INPP4B: variants seen among roughly 807,000 people sequenced by gnomAD.
INPP4B encodes inositol polyphosphate-4-phosphatase type II B, also known as inositol polyphosphate 4-phosphatase type II.
INPP4B carries 55 observed loss-of-function variants against 122.5 expected under a neutral mutation model. The ratio of observed to expected loss-of-function variants is 0.45; its 90% CI spans 0.36 to 0.56. The LOEUF is 0.56. Ranked by LOEUF, INPP4B falls within the 20% of genes least tolerant of loss-of-function variation. The pLI, the probability that INPP4B is intolerant of heterozygous loss-of-function variation, is 0.00. For missense variants in INPP4B, 1,000 were observed against 1,097.7 expected (o/e 0.91, Z 1.26); for synonymous variants, 403 against 388.7 (o/e 1.04, Z -0.43).
intron 21 of INPP4B, among the ~76,000 whole-genome samples, chr4:142,116,739 A>G (rs1163107780): frequency 6.6e-6 from 1 of 152,162 alleles, no homozygotes; most frequent in Non-Finnish European, 1.5e-5. Flanking sequence ...CCCTAACATC[A>G]CAATTAAAAG....
intron 2 of INPP4B, among the ~76,000 whole-genome samples, chr4:142,507,982 C>T (rs917374066): frequency 2.6e-5 from 4 of 152,200 alleles, no homozygotes; most frequent in South Asian, 4.1e-4. Flanking sequence ...AGGCCCCTGA[C>T]CCCCCTTTTC....
rs893861512 is a variant in INPP4B, at chr4:142,273,242, C to T, written c.504-2468G>A. The stretch of plus-strand genomic sequence containing the variant: ...TAATTACCACTTCTGCCCCATCATC[C>T]TAATGGTAGTATTGGAACAGTAACA... On this transcript the variant is annotated intron_variant, in intron 9 of 25. Transcript: ENST00000262992. Among the ~76,000 whole-genome samples the T allele has an allele frequency of 2.0e-5, 3 of 151,892 alleles. No homozygotes were observed. The East Asian group carries it at 5.8e-4, about 29-fold the overall frequency.
At chr4:142,367,936 T>C (rs755471862) in intron 7 of INPP4B, among the ~76,000 whole-genome samples, 6 of 152,138 alleles carry the variant, frequency 3.9e-5, no homozygotes, top group Non-Finnish European at 8.8e-5. Flanking sequence ...AAATATTACA[T>C]GCCAAACTTT....
intron 5 of INPP4B, among the ~76,000 whole-genome samples, chr4:142,405,617 TCA>T (rs1252544484): frequency 1.3e-5 from 2 of 152,266 alleles, no homozygotes; most frequent in Admixed American, 1.3e-4. Flanking sequence ...CTCAGAAACC[TCA>T]GTGACTTTAA....
intron 2 of INPP4B, among the ~76,000 whole-genome samples, chr4:142,659,971 C>A (rs1347584227): frequency 6.6e-6 from 1 of 151,530 alleles, no homozygotes; most frequent in African/African-American, 2.4e-5. Flanking sequence ...GTTAAGGATC[C>A]AGAGGCAGAT....
chr4:142,529,779 A>G (rs1827364428), intron 2 of INPP4B, among the ~76,000 whole-genome samples: 1 of 152,040 alleles, frequency 6.6e-6, no homozygotes, highest in Admixed American at 6.6e-5. Flanking sequence ...GCTTGAGCAG[A>G]TAGATTTACT....
intron 12 of INPP4B, among the ~76,000 whole-genome samples, chr4:142,223,724 C>T (rs1850348609): frequency 6.6e-6 from 1 of 152,070 alleles, no homozygotes; most frequent in Admixed American, 6.6e-5. Context: ...TGATGAATAC[C>T]ATACCACATG....
rs188668284 is a variant in INPP4B at position 142,789,529 on chromosome 4, G to T, written c.-254+56680C>A. On this transcript the variant is annotated intron_variant, in intron 1 of 25. Coordinates refer to ENST00000262992, the MANE Select transcript of INPP4B (RefSeq NM_001101669.3). ...GAATATACCTAATGAAGGAGGTTAG[G>T]TATATTTTGTAATTTTCCTTGCAGA... 4.6e-5 allele frequency among the ~76,000 whole-genome samples: 7 copies of T among 151,896 alleles called. No homozygotes were observed. In the East Asian group the frequency reaches 1.4e-3, roughly 30 times the overall value.
chr4:142,148,415 T>A (rs756970042), intron 17 of INPP4B, among the ~76,000 whole-genome samples: 1 of 152,086 alleles, frequency 6.6e-6, no homozygotes, highest in Non-Finnish European at 1.5e-5. Context: ...GGTTTTACTA[T>A]GTTGCCCAGG....
chr4:142,056,592 T>C (rs1445860595), intron 25 of INPP4B, among the ~76,000 whole-genome samples: 6 of 152,126 alleles, frequency 3.9e-5, no homozygotes, highest in African/African-American at 1.4e-4. Context: ...GGACTTTTGA[T>C]TCCCAGAACA....
chr4:142,506,543 G>A (rs185516800), intron 2 of INPP4B, among the ~76,000 whole-genome samples: 11 of 152,230 alleles, frequency 7.2e-5, no homozygotes, highest in African/African-American at 1.9e-4. Context: ...GCACCGTACC[G>A]ACTTACAAGA....
intron 8 of INPP4B, among the ~76,000 whole-genome samples, chr4:142,311,372 T>C (rs1405163691): frequency 6.6e-6 from 1 of 152,218 alleles, no homozygotes; most frequent in Non-Finnish European, 1.5e-5. Context: ...TTTTGAGTTC[T>C]GATGGGTCAC....
At chr4:142,082,256 A>C (rs1774309397) in intron 24 of INPP4B, 71 bp from the exon 25 acceptor site, 2 of 1,271,256 alleles carry the variant, frequency 1.6e-6, no homozygotes, top group East Asian at 4.8e-5. Context: ...TCCTCCAAAC[A>C]CTTCTAGTCT....
rs958860554 is a variant in INPP4B at position 142,597,330 on chromosome 4, T to G, written c.-191+128509A>C. ...TGAACTAACAGAACTATCTTAACTATGTGGATCAACGGTGACACCAGTTAC... is the reference window on the plus strand; with the variant it reads ...TGAACTAACAGAACTATCTTAACTAGGTGGATCAACGGTGACACCAGTTAC... On this transcript the variant is annotated intron_variant, in intron 2 of 25. Transcript: ENST00000262992. Among the ~76,000 whole-genome samples the G allele has an allele frequency of 2.4e-3, 366 of 152,370 alleles. 2 individuals carry two copies. Among genetic ancestry groups the G allele is most frequent in the African/African-American group, 7.5e-3 (313 of 41,602 alleles).
At chr4:142,119,631 C>T (rs910888905) in intron 21 of INPP4B, among the ~76,000 whole-genome samples, 8 of 144,732 alleles carry the variant, frequency 5.5e-5, no homozygotes, top group Non-Finnish European at 7.5e-5. Flanking sequence ...GTACATCATA[C>T]ATTGGAGTCT....
intron 1 of INPP4B, among the ~76,000 whole-genome samples, chr4:142,836,435 T>C (rs1428663049): frequency 3.9e-5 from 6 of 152,080 alleles, no homozygotes; most frequent in African/African-American, 1.4e-4. Context: ...TGTGCGCGCG[T>C]GTGTGTATAC....
intron 1 of INPP4B, among the ~76,000 whole-genome samples, chr4:142,842,927 A>G (rs1364836681): frequency 2.8e-5 from 4 of 140,684 alleles, no homozygotes; most frequent in African/African-American, 1.0e-4. Context: ...ACTATATATA[A>G]TATACTGGAT....
At position 142,237,869 on chromosome 4, in the gene INPP4B, C is replaced by G. The variant is rs770461694; in HGVS notation, c.831G>C (p.Leu277Phe). The change falls in exon 12 of 26, where the codon TTG (leucine) becomes TTC (phenylalanine). Residue 277 changes from leucine (L) to phenylalanine (F), a missense_variant. Leu to Phe is a conservative substitution (Grantham distance 22). Coordinates refer to ENST00000262992, the MANE Select transcript of INPP4B (RefSeq NM_001101669.3). ...AAATAGTTATTTTCTCTTACCTGCA[C>G]AAATCTTCTTTAATGTGAAGGGAAA... is the stretch of plus-strand genomic sequence containing the variant. ...ELISLHIKED[L>F]CRNQEIKELG... The G allele has an allele frequency of 4.5e-6, 7 of 1,551,966 alleles. No homozygotes were observed. In the Admixed American group the frequency reaches 1.0e-4, roughly 23 times the overall value.
intron 12 of INPP4B, among the ~76,000 whole-genome samples, chr4:142,231,711 G>T (rs539737813): frequency 6.6e-6 from 1 of 152,046 alleles, no homozygotes. Context: ...CCTTGGAAAA[G>T]TAGAGACCGT....
Sources: gnomAD v4.1 joint callset for allele counts (sites outside exome capture counted in the v4.1 genomes callset) on GRCh38, gnomAD v4.1.1 for gene constraint, MANE v1.5 for transcripts, NCBI Gene and HGNC (gene_info 2026-07-23, HGNC 2026-07-21) for gene names.